The following ERMARD variants were observed in gnomAD, a reference collection of about 807,000 sequenced individuals.
The protein encoded by ERMARD is endoplasmic reticulum membrane-associated RNA degradation protein.
A neutral mutation model predicts 83.9 loss-of-function variants in ERMARD; 71 were observed. The ratio of observed to expected loss-of-function variants is 0.85; its 90% CI spans 0.70 to 1.03. The LOEUF is 1.03. ERMARD is among the 50% of genes least tolerant of loss of function. The probability of loss-of-function intolerance (pLI) is 0.00; values close to 1 mark genes in which losing one functional copy is unlikely to be tolerated. For missense variants in ERMARD, 838 were observed against 810.9 expected (o/e 1.03, Z -0.41); for synonymous variants, 284 against 298.6 (o/e 0.95, Z 0.50).
chr6:169,774,515 C>A (rs906883340), intron 13 of ERMARD, among the ~76,000 whole-genome samples: 3 of 152,206 alleles, frequency 2.0e-5, no homozygotes, highest in African/African-American at 7.2e-5. Flanking sequence ...CACTGAGACT[C>A]CAGGCCATCC....
intron 13 of ERMARD, among the ~76,000 whole-genome samples, chr6:169,774,202 C>T (rs908377741): frequency 6.6e-6 from 1 of 152,154 alleles, no homozygotes; most frequent in Non-Finnish European, 1.5e-5. Flanking sequence ...GGCGTGATGG[C>T]AGGTGCCTTG....
chr6:169,769,936 A>C (rs892322244), intron 12 of ERMARD, among the ~76,000 whole-genome samples: 2 of 152,244 alleles, frequency 1.3e-5, no homozygotes, highest in Non-Finnish European at 2.9e-5. Context: ...CGTTTCTTAA[A>C]AACACATTTG....
At position 169,776,439 on chromosome 6, in the gene ERMARD, C is replaced by G; in HGVS notation, c.1521-16C>G. ...GAGGATCATGATGCCTGCTCCAAGT[C>G]TGGCTCTGTTTGCAGGTGGCCCCAG... On this transcript the variant is annotated splice_polypyrimidine_tract_variant and intron_variant, in intron 15 of 17. Coordinates refer to ENST00000366773, the MANE Select transcript of ERMARD (RefSeq NM_018341.3). 1 of 1,610,534 alleles carries G rather than the reference C, an allele frequency of 6.2e-7. No individual in the cohort carries two copies.
At chr6:169,772,968 G>C in intron 12 of ERMARD, 1 of 210,990 alleles carries the variant, frequency 4.7e-6, no homozygotes. Flanking sequence ...ATGTTTATGC[G>C]ATCCTTTTTT....
intron 9 of ERMARD, among the ~76,000 whole-genome samples, chr6:169,764,574 A>G (rs748754326): frequency 8.6e-5 from 13 of 152,012 alleles, no homozygotes; most frequent in South Asian, 4.2e-4. Flanking sequence ...ACGTGGCCCC[A>G]CTGATTATTT....
chr6:169,765,045 A>G (rs1025037805), intron 9 of ERMARD, among the ~76,000 whole-genome samples: 3 of 152,334 alleles, frequency 2.0e-5, no homozygotes, highest in African/African-American at 7.2e-5. Context: ...CCTTCCATGT[A>G]GGCCACTCAG....
At chr6:169,774,207 G>T (rs941168116) in intron 13 of ERMARD, among the ~76,000 whole-genome samples, 4 of 152,196 alleles carry the variant, frequency 2.6e-5, no homozygotes, top group African/African-American at 4.8e-5. Flanking sequence ...GATGGCAGGT[G>T]CCTTGAGAAG....
intron 1 of ERMARD, among the ~76,000 whole-genome samples, chr6:169,752,681 G>GC (rs991452958): frequency 1.2e-4 from 18 of 152,198 alleles, no homozygotes; most frequent in Non-Finnish European, 2.2e-4. Flanking sequence ...TCACAACACA[G>GC]CCCCCCCTTA....
chr6:169,760,750 C>T lies in ERMARD; in HGVS notation c.851C>T (p.Ser284Leu). Reference sequence around the variant, plus strand: ...GAAGTTGCACTGGTCAAGTTCAAGTCACACAGGTAACTAAAGGGTACATGG... The same window carrying T: ...GAAGTTGCACTGGTCAAGTTCAAGTTACACAGGTAACTAAAGGGTACATGG... ...YWEVALVKFK[S>L]HRFADCAILL... The change falls in exon 8 of 18, where the codon TCA (serine) becomes TTA (leucine). Residue 284 changes from serine to leucine, a missense_variant. By Grantham distance (145) the Ser-to-Leu change is moderately radical (BLOSUM62 -2). Transcript: ENST00000366773. 1 of 1,609,636 alleles carries T rather than the reference C, an allele frequency of 6.2e-7. No individual in the cohort carries two copies. Among genetic ancestry groups the T allele is most frequent in the Non-Finnish European group, 8.5e-7 (1 of 1,176,134 alleles).
chr6:169,754,564 T>C (rs1790556379), intron 2 of ERMARD, among the ~76,000 whole-genome samples: 2 of 152,220 alleles, frequency 1.3e-5, no homozygotes, highest in African/African-American at 4.8e-5. Context: ...CTTGCAGCAT[T>C]GTTTATAATA....
At chr6:169,756,832 T>C (rs780532189) in intron 5 of ERMARD, 24 bp downstream of exon 5, 5 of 1,598,098 alleles carry the variant, frequency 3.1e-6, no homozygotes, top group Non-Finnish European at 4.3e-6. Context: ...TCTAAACTCA[T>C]GGAGTATATT....
intron 12 of ERMARD, chr6:169,771,024 A>G (rs1050789128): frequency 6.6e-5 from 10 of 151,386 alleles, no homozygotes; most frequent in Non-Finnish European, 8.8e-5. Context: ...AAAATTAAAA[A>G]TATATGTATA....
chr6:169,760,615 T>G (rs762425421), intron 7 of ERMARD, 27 bp from the exon 8 acceptor site: 2 of 1,470,280 alleles, frequency 1.4e-6, no homozygotes, highest in Non-Finnish European at 1.9e-6. Context: ...AGTATGATTG[T>G]GTTTAAAACC....
chr6:169,772,068 C>T (rs1372213445), intron 12 of ERMARD: 4 of 152,340 alleles, frequency 2.6e-5, no homozygotes, highest in African/African-American at 9.7e-5. Flanking sequence ...ACTCCCTGTC[C>T]CTCCTGTGCC....
At chr6:169,771,158 A>G (rs1007686720) in intron 12 of ERMARD, 13 of 149,026 alleles carry the variant, frequency 8.7e-5, no homozygotes, top group African/African-American at 2.7e-4. Context: ...ATCTCAGCTC[A>G]CTGCAACCTC....
At chr6:169,775,626 TG>T (rs200756606) in intron 14 of ERMARD, among the ~76,000 whole-genome samples, 5,848 of 152,262 alleles carry the variant, frequency 0.038, 116 homozygotes, top group Non-Finnish European at 0.044. Context: ...GGAAGAAAGA[TG>T]GGTCTGAAGC....
chr6:169,781,315 A>T lies in ERMARD; in HGVS notation c.1854-15A>T. The T allele has an allele frequency of 1.3e-6, 2 of 1,483,216 alleles. No homozygotes were observed. The highest frequency in any genetic ancestry group is 1.3e-5 in the South Asian group (1 of 77,126). 91.9% of individuals were successfully genotyped at this position (1,483,216 alleles called of 1,614,324 possible). A position where few individuals can be genotyped will look rare whatever the true frequency, so the allele number is the denominator to read the frequency against. ...TATAATGGAATGGATAAAGAAATTAATTTTTTTTTTACAGGTTTGTAAAGT... is the reference window on the plus strand; with the variant it reads ...TATAATGGAATGGATAAAGAAATTATTTTTTTTTTTACAGGTTTGTAAAGT... On this transcript the variant is annotated splice_polypyrimidine_tract_variant and intron_variant, in intron 17 of 17. Coordinates refer to ENST00000366773, the MANE Select transcript of ERMARD (RefSeq NM_018341.3).
intron 9 of ERMARD, among the ~76,000 whole-genome samples, chr6:169,765,973 A>C (rs113423022): frequency 1.7e-4 from 15 of 87,886 alleles, no homozygotes; most frequent in Non-Finnish European, 3.2e-4. Flanking sequence ...CTGTCTGTCA[A>C]ATCTCACTGA....
At chr6:169,772,053 C>G (rs1402147176) in intron 12 of ERMARD, 3 of 152,294 alleles carry the variant, frequency 2.0e-5, no homozygotes, top group Non-Finnish European at 4.4e-5. Context: ...TGTTCCACAT[C>G]TGCTACTCCC....
Sources: allele counts gnomAD v4.1 joint callset (sites outside exome capture counted in the v4.1 genomes callset), GRCh38; gene constraint gnomAD v4.1.1; transcripts MANE v1.5; gene names NCBI Gene and HGNC (gene_info 2026-07-23, HGNC 2026-07-21).